Variants in EYS observed in about 807,000 individuals in gnomAD.
EYS encodes protein eyes shut homolog.
A neutral mutation model predicts 282.1 loss-of-function variants in EYS; 250 were observed. The ratio of observed to expected loss-of-function variants is 0.89; its 90% CI spans 0.80 to 0.98. The LOEUF is 0.98. Ranked by LOEUF, EYS falls within the 50% of genes least tolerant of loss-of-function variation. EYS has a pLI of 0.00. For missense variants in EYS, 4,016 were observed against 3,709.0 expected (o/e 1.08, Z -2.15); for synonymous variants, 1,355 against 1,282.9 (o/e 1.06, Z -1.20).
chr6:65,427,334 C>A (rs1042563048), intron 5 of EYS, among the ~76,000 whole-genome samples: 2 of 151,948 alleles, frequency 1.3e-5, no homozygotes, highest in African/African-American at 4.8e-5. Context: ...GATGAAGAGT[C>A]TCCTTGTGCA....
chr6:63,926,345 C>T (rs1764715314), intron 35 of EYS, among the ~76,000 whole-genome samples: 1 of 152,160 alleles, frequency 6.6e-6, no homozygotes, highest in Non-Finnish European at 1.5e-5. Context: ...AATGGTCTAG[C>T]AGGAAGGGCC....
chr6:64,763,997 C>A lies in EYS; in HGVS notation c.3443+49381G>T, dbSNP rs9363198. On this transcript the variant is annotated intron_variant, in intron 22 of 42. Coordinates refer to ENST00000503581, the MANE Select transcript of EYS (RefSeq NM_001142800.2). ...GAGAAGCTCCTCCCCTGTGGCTCTG[C>A]AGGGTACAGCTCCTCCTGACTGCTT... is the stretch of plus-strand genomic sequence containing the variant. Among the ~76,000 whole-genome samples, 26 of 152,316 alleles carry A rather than the reference C, an allele frequency of 1.7e-4. No homozygotes were observed. The East Asian group carries it at 4.7e-3, about 27-fold the overall frequency.
At chr6:64,088,185 G>T (rs1412470139) in intron 31 of EYS, among the ~76,000 whole-genome samples, 2 of 151,996 alleles carry the variant, frequency 1.3e-5, no homozygotes, top group African/African-American at 2.4e-5. Context: ...ACTAATTGGG[G>T]TTAGGCAGAG....
At chr6:65,415,846 T>G (rs909977740) in intron 5 of EYS, among the ~76,000 whole-genome samples, 2 of 152,042 alleles carry the variant, frequency 1.3e-5, no homozygotes, top group Non-Finnish European at 2.9e-5. Context: ...TAGAAAAACC[T>G]ATCAAAATTT....
chr6:65,210,320 T>G (rs1391957823), intron 12 of EYS, among the ~76,000 whole-genome samples: 3 of 152,042 alleles, frequency 2.0e-5, no homozygotes, highest in South Asian at 2.1e-4. Flanking sequence ...CATGGGAACT[T>G]TCCCATTGGA....
intron 26 of EYS, among the ~76,000 whole-genome samples, chr6:64,473,352 T>C (rs1173990541): frequency 6.6e-6 from 1 of 152,152 alleles, no homozygotes; most frequent in Admixed American, 6.5e-5. Flanking sequence ...CTCAATGATG[T>C]AGCACACAAA....
chr6:64,794,590 T>G (rs562039090), intron 22 of EYS, among the ~76,000 whole-genome samples: 1 of 152,322 alleles, frequency 6.6e-6, no homozygotes, highest in South Asian at 2.1e-4. Context: ...CCAATTAAAC[T>G]TCTTGTCTTT....
At chr6:65,302,257 GA>G (rs754185965) in intron 11 of EYS, among the ~76,000 whole-genome samples, 300 of 152,288 alleles carry the variant, frequency 2.0e-3, no homozygotes, top group Middle Eastern at 0.01. Context: ...ATGTGAGGAG[GA>G]AAATTTTTTC....
chr6:65,309,611 C>A (rs970172877), intron 11 of EYS, among the ~76,000 whole-genome samples: 3 of 152,070 alleles, frequency 2.0e-5, no homozygotes, highest in African/African-American at 7.2e-5. Context: ...TCACCAACCC[C>A]AAAATATTGG....
intron 24 of EYS, among the ~76,000 whole-genome samples, chr6:64,611,348 T>C (rs1374344127): frequency 6.6e-6 from 1 of 152,228 alleles, no homozygotes; most frequent in Non-Finnish European, 1.5e-5. Context: ...GAAGCCATTA[T>C]CTTTTGTCCA....
intron 24 of EYS, among the ~76,000 whole-genome samples, chr6:64,607,297 A>C (rs1167018711): frequency 6.6e-6 from 1 of 152,070 alleles, no homozygotes; most frequent in African/African-American, 2.4e-5. Context: ...GTTAAAAAAA[A>C]AAAAGAAAAA....
At chr6:65,577,602 G>A (rs1764717191) in intron 2 of EYS, among the ~76,000 whole-genome samples, 1 of 151,808 alleles carries the variant, frequency 6.6e-6, no homozygotes, top group African/African-American at 2.4e-5. Flanking sequence ...AAAAGTTTCT[G>A]CACTGCAAAG....
intron 22 of EYS, among the ~76,000 whole-genome samples, chr6:64,804,920 A>C (rs1445761368): frequency 6.6e-6 from 1 of 151,068 alleles, no homozygotes; most frequent in African/African-American, 2.4e-5. Flanking sequence ...TCTATTTATA[A>C]GAACTTCTGA....
At chr6:64,238,972 A>G (rs956725949) in intron 30 of EYS, among the ~76,000 whole-genome samples, 1 of 152,098 alleles carries the variant, frequency 6.6e-6, no homozygotes, top group Non-Finnish European at 1.5e-5. Flanking sequence ...CTCATTGTTC[A>G]ACTCCCACTT....
At chr6:65,170,234 A>G (rs1214782379) in intron 12 of EYS, among the ~76,000 whole-genome samples, 1 of 151,460 alleles carries the variant, frequency 6.6e-6, no homozygotes, top group Non-Finnish European at 1.5e-5. Context: ...GCACGCACAC[A>G]CACACACACA....
intron 5 of EYS, among the ~76,000 whole-genome samples, chr6:65,440,178 C>G (rs1487672396): frequency 6.6e-6 from 1 of 151,968 alleles, no homozygotes; most frequent in Non-Finnish European, 1.5e-5. Flanking sequence ...GTTGCAGTGG[C>G]TTTTTAAGCA....
intron 2 of EYS, among the ~76,000 whole-genome samples, chr6:65,567,901 C>T (rs979662057): frequency 2.0e-5 from 3 of 151,964 alleles, no homozygotes; most frequent in African/African-American, 7.3e-5. Flanking sequence ...GAAAACAATA[C>T]CCCAAAATAT....
intron 12 of EYS, among the ~76,000 whole-genome samples, chr6:65,161,022 G>A (rs917255052): frequency 2.0e-5 from 3 of 150,758 alleles, no homozygotes; most frequent in Admixed American, 1.3e-4. Flanking sequence ...AAGCCACAAA[G>A]TTTTCATGGT....
At chr6:64,323,405 T>C (rs1770290140) in intron 29 of EYS, among the ~76,000 whole-genome samples, 1 of 152,176 alleles carries the variant, frequency 6.6e-6, no homozygotes, top group African/African-American at 2.4e-5. Flanking sequence ...TATATCATAT[T>C]TTATCTATAC....
Sources: allele counts gnomAD v4.1 joint callset (sites outside exome capture counted in the v4.1 genomes callset), GRCh38; gene constraint gnomAD v4.1.1; transcripts MANE v1.5; gene names NCBI Gene and HGNC (gene_info 2026-07-23, HGNC 2026-07-21).